Variants in CHD1L observed in about 807,000 individuals in gnomAD.
CHD1L encodes the protein chromodomain helicase DNA binding protein 1 like, also known as ATP-dependent chromatin remodeler CHD1L.
A neutral mutation model predicts 115.9 loss-of-function variants in CHD1L; 118 were observed. That is an observed-to-expected ratio of 1.02 (90% CI 0.88 to 1.19). CHD1L has a LOEUF of 1.19. CHD1L is among the 50% of genes most tolerant of loss of function. CHD1L has a pLI of 0.00. For missense variants in CHD1L, 1,179 were observed against 1,065.3 expected (o/e 1.11, Z -1.49); for synonymous variants, 411 against 387.1 (o/e 1.06, Z -0.72).
rs1333111613 is a variant in CHD1L, at chr1:147,276,342, A to ATCAG, written c.1539+85_1539+86insTCAG. 4.1e-6 allele frequency: 4 copies of ATCAG among 970,400 alleles called. No homozygotes were observed. The African/African-American group carries it at 1.0e-4, about 25-fold the overall frequency. The allele number at this position is 970,400 out of a possible 1,614,324, so 60.1% of individuals were successfully genotyped here. On this transcript the variant is annotated intron_variant, in intron 14 of 22. Coordinates refer to ENST00000369258, the MANE Select transcript of CHD1L (RefSeq NM_004284.6). ...ATGTAAATGAAAAGAACCAGCACTC[A>ATCAG]CCCTCTCCCCAGCTACACATTTGTT...
chr1:147,222,199 A>C, the CHD1L span, among the ~76,000 whole-genome samples: 1 of 152,126 alleles, frequency 6.6e-6, no homozygotes, highest in African/African-American at 2.4e-5. Context: ...GTGAAACCCC[A>C]TCTTTACTAA....
At chr1:147,267,250 T>G (rs1674285586) in intron 8 of CHD1L, among the ~76,000 whole-genome samples, 176 bp from the exon 9 acceptor site, 1 of 152,192 alleles carries the variant, frequency 6.6e-6, no homozygotes, top group Admixed American at 6.5e-5. Flanking sequence ...TTGAGAAAAT[T>G]TTATGTGAAC....
At chr1:147,278,896 T>C (rs1679701569) in intron 14 of CHD1L, among the ~76,000 whole-genome samples, 2 of 152,162 alleles carry the variant, frequency 1.3e-5, no homozygotes, top group African/African-American at 4.8e-5. Context: ...AATATACAGC[T>C]TCTCATAAAA....
Position 147,275,362 on chromosome 1 carries a change from G to C in CHD1L, c.1279G>C (p.Gly427Arg). The part of the protein sequence containing the change: ...FLLSTRAGGV[G>R]MNLTAADTVI... Reference sequence around the variant, plus strand: ...TTTTGCATTGTTTTCAGGTGGAGTTGGCATGAACTTAACAGCAGCAGATAC... The same window carrying C: ...TTTTGCATTGTTTTCAGGTGGAGTTCGCATGAACTTAACAGCAGCAGATAC... The change falls in exon 13 of 23, where the codon GGC (glycine) becomes CGC (arginine). Residue 427 changes from glycine to arginine, a missense_variant. Transcript: ENST00000369258. 6.2e-7 allele frequency: 1 copy of C among 1,612,960 alleles called. No homozygotes were observed. Among genetic ancestry groups the C allele is most frequent in the Non-Finnish European group, 8.5e-7 (1 of 1,178,980 alleles).
intron 1 of CHD1L, among the ~76,000 whole-genome samples, chr1:147,247,567 T>G (rs1333598345): frequency 6.6e-6 from 1 of 152,222 alleles, no homozygotes; most frequent in Non-Finnish European, 1.5e-5. Flanking sequence ...GGTGCCATGC[T>G]TCTTGTACAA....
intron 20 of CHD1L, 48 bp from the exon 21 acceptor site, chr1:147,293,560 T>A (rs1299346034): frequency 1.1e-5 from 16 of 1,517,784 alleles, no homozygotes; most frequent in East Asian, 2.2e-5. Context: ...CTTGGTTGAG[T>A]GTGGCTGTTT....
the CHD1L span, among the ~76,000 whole-genome samples, chr1:147,227,192 C>A: frequency 2.0e-5 from 3 of 152,238 alleles, no homozygotes. Context: ...TGAATTTATA[C>A]TAAAATAGTA....
At chr1:147,178,129 C>G in the CHD1L span, 1 of 1,599,618 alleles carries the variant, frequency 6.3e-7, no homozygotes, top group Non-Finnish European at 8.5e-7. Context: ...CCTCCGCCGC[C>G]CAGCGCTGTT....
intron 20 of CHD1L, among the ~76,000 whole-genome samples, chr1:147,292,515 T>G (rs12040321): frequency 0.049 from 7,436 of 152,260 alleles, 423 homozygotes; most frequent in East Asian, 0.17. Flanking sequence ...TATGTGACTG[T>G]GTTAGGCTGT....
At chr1:147,231,413 T>G in the CHD1L span, among the ~76,000 whole-genome samples, 1 of 152,232 alleles carries the variant, frequency 6.6e-6, no homozygotes, top group African/African-American at 2.4e-5. Flanking sequence ...TGCTGAGGAG[T>G]GCTTTGCTTC....
At chr1:147,295,166 G>T (rs1413449908) in intron 22 of CHD1L, among the ~76,000 whole-genome samples, 3 of 152,172 alleles carry the variant, frequency 2.0e-5, no homozygotes, top group Admixed American at 2.0e-4. Context: ...CTCAGTGATG[G>T]TCTTCAAGAT....
At chr1:147,288,322 C>CATAAAAAAAAAAAAAAAAAA (rs1452486110) in intron 19 of CHD1L, among the ~76,000 whole-genome samples, 2 of 87,892 alleles carry the variant, frequency 2.3e-5, no homozygotes, top group African/African-American at 9.6e-5. Flanking sequence ...GACCCTGTTT[C>CATAAAAAAAAAAAAAAAAAA]AATAAAAAAA....
intron 3 of CHD1L, 43 bp downstream of exon 3, chr1:147,255,019 T>G (rs782286339): frequency 2.8e-6 from 4 of 1,407,156 alleles, no homozygotes; most frequent in South Asian, 1.4e-5. Flanking sequence ...TTATCTTGAT[T>G]AAGATTTTTT....
chr1:147,231,889 G>A, the CHD1L span, among the ~76,000 whole-genome samples: 4 of 152,290 alleles, frequency 2.6e-5, no homozygotes, highest in East Asian at 1.9e-4. Context: ...CGGGTGAGGC[G>A]ATGCCTCGCC....
chr1:147,272,428 G>A, intron 12 of CHD1L, 147 bp downstream of exon 12: 1 of 579,202 alleles, frequency 1.7e-6, no homozygotes, highest in East Asian at 3.0e-5. Context: ...CATCAAGCAT[G>A]GTGCTGTTTT....
chr1:147,293,534 CCTCCATGGGCGGTCA>C, intron 20 of CHD1L, 59 bp from the exon 21 acceptor site: 1 of 1,266,068 alleles, frequency 7.9e-7, no homozygotes, highest in Non-Finnish European at 1.1e-6. Context: ...GGCTGTGCCG[CCTCCATGGGCGGTCA>C]CTTGGTTGAG....
chr1:147,184,664 G>A, the CHD1L span: 1 of 1,475,576 alleles, frequency 6.8e-7, no homozygotes, highest in African/African-American at 1.4e-5. This position sits in a 1 kb window ranked among gnomAD's most constrained non-coding sequence, Gnocchi z 4.4. Flanking sequence ...ATACAACAGA[G>A]AGGTAAAGTG....
intron 14 of CHD1L, among the ~76,000 whole-genome samples, chr1:147,277,745 C>A (rs1356317082): frequency 6.6e-6 from 1 of 151,878 alleles, no homozygotes; most frequent in East Asian, 1.9e-4. Context: ...TGTAGATACC[C>A]TTAAATGCAG....
intron 20 of CHD1L, 60 bp downstream of exon 20, chr1:147,291,612 G>GTGTC: frequency 7.1e-7 from 1 of 1,400,122 alleles, no homozygotes; most frequent in Non-Finnish European, 1.0e-6. Context: ...TTCTCTTGAA[G>GTGTC]TGTCCCCTGC....
Sources: gnomAD v4.1 joint callset for allele counts (sites outside exome capture counted in the v4.1 genomes callset) on GRCh38, gnomAD v4.1.1 for gene constraint, Gnocchi (gnomAD v3.1) non-coding constraint, MANE v1.5 for transcripts, NCBI Gene and HGNC (gene_info 2026-07-23, HGNC 2026-07-21) for gene names.